MAST4: variants seen among roughly 807,000 people sequenced by gnomAD.
The protein encoded by MAST4 is microtubule associated serine/threonine kinase family member 4.
A neutral mutation model predicts 162.7 loss-of-function variants in MAST4; 89 were observed. The observed-to-expected ratio is 0.55, with a 90% CI of 0.46 to 0.65. The LOEUF (loss-of-function observed/expected upper bound fraction) is 0.65, where lower values mean the gene tolerates loss of function less well. MAST4 is among the 30% of genes least tolerant of loss of function. The pLI is 0.00. For synonymous variants in MAST4, 1,479 were observed against 1,361.1 expected, an observed-to-expected ratio of 1.09 and a Z score of -1.91; for missense variants, 3,153 against 3,374.0, an observed-to-expected ratio of 0.93 and a Z score of 1.62.
In MAST4 at chr5:67,047,244, A is replaced by G. The variant is rs565946818; in HGVS notation, c.675-7160A>G. 4.6e-5 allele frequency among the ~76,000 whole-genome samples: 7 copies of G among 152,306 alleles called. No homozygotes were observed. In the East Asian group the frequency reaches 9.7e-4, roughly 21 times the overall value. ...GTCAGGTTATGTTCAGAACCTTCCA[A>G]CAGCTTCCCTTGTCACTCAGGGACC... On this transcript the variant is annotated intron_variant, in intron 4 of 28. Transcript: ENST00000403625.
Position 67,166,595 on chromosome 5 carries a change from TAGAG to T in MAST4, c.7419_7422del (p.Glu2474ProfsTer41), listed in dbSNP as rs755749069. On this transcript the variant is annotated frameshift_variant, in exon 29 of 29. Coordinates refer to ENST00000403625, the MANE Select transcript of MAST4 (RefSeq NM_001164664.2). LOFTEE classifies it low-confidence loss of function (END_TRUNC). ...GCTTCCCTGAAACCAGGGCCGGAGT[TAGAG>T]AGGCCTCTGCAGCCAGCAGCGACAC... is the stretch of plus-strand genomic sequence containing the variant. 7.5e-6 allele frequency: 12 copies of T among 1,601,970 alleles called. No individual in the cohort carries two copies. Among genetic ancestry groups the T allele is most frequent in the Non-Finnish European group, 9.4e-6 (11 of 1,174,588 alleles).
chr5:67,081,042 A>G (rs1346365899), intron 5 of MAST4, among the ~76,000 whole-genome samples: 1 of 130,620 alleles, frequency 7.7e-6, no homozygotes, highest in East Asian at 2.0e-4. Context: ...AATATAATAT[A>G]TAATTGTATA....
intron 4 of MAST4, chr5:67,005,205 A>C (rs1751862309): frequency 1.5e-6 from 1 of 683,054 alleles, no homozygotes; most frequent in Admixed American, 2.3e-5. Context: ...CACTTTGAAA[A>C]GTTTATGCCC....
chr5:67,076,182 C>T (rs2150697220), intron 5 of MAST4, among the ~76,000 whole-genome samples: 2 of 152,330 alleles, frequency 1.3e-5, no homozygotes, highest in East Asian at 3.9e-4. Flanking sequence ...TCTTCTCTTG[C>T]TTCCTGTGGT....
chr5:66,692,880 C>T (rs1749139926), intron 1 of MAST4, among the ~76,000 whole-genome samples: 1 of 151,978 alleles, frequency 6.6e-6, no homozygotes, highest in Non-Finnish European at 1.5e-5. Flanking sequence ...AGCTGTCAGC[C>T]AGCTAAGAAG....
intron 5 of MAST4, among the ~76,000 whole-genome samples, chr5:67,081,844 A>G (rs1033914531): frequency 2.0e-5 from 3 of 152,208 alleles, no homozygotes; most frequent in Non-Finnish European, 4.4e-5. Flanking sequence ...TAAGATGGCA[A>G]TTTTTCTATT....
At chr5:66,696,971 C>T (rs1210770229) in intron 1 of MAST4, among the ~76,000 whole-genome samples, 1 of 152,126 alleles carries the variant, frequency 6.6e-6, no homozygotes, top group African/African-American at 2.4e-5. Context: ...AAAAAATATT[C>T]TGCGTGATGA....
At chr5:66,725,576 A>G (rs1473474793) in intron 1 of MAST4, among the ~76,000 whole-genome samples, 1 of 152,156 alleles carries the variant, frequency 6.6e-6, no homozygotes, top group African/African-American at 2.4e-5. Context: ...TCCAAGAGAC[A>G]CTTCTCTGAC....
chr5:66,927,004 C>T (rs745539710), intron 4 of MAST4, among the ~76,000 whole-genome samples: 106 of 152,146 alleles, frequency 7.0e-4, no homozygotes, highest in South Asian at 4.2e-4. Flanking sequence ...GGTAGGTATT[C>T]GTTATGTGAT....
Position 67,153,498 on chromosome 5 carries a change from A to G in MAST4, c.3566A>G (p.Lys1189Arg), listed in dbSNP as rs201669513. 120 of 1,603,988 alleles carry G rather than the reference A, an allele frequency of 7.5e-5. No individual in the cohort carries two copies. The highest frequency in any genetic ancestry group is 1.0e-4 in the Non-Finnish European group (118 of 1,175,016). The stretch of plus-strand genomic sequence containing the variant: ...AGTCCGGCATGCCAGGCAGGACTGA[A>G]GGCTGGAGATCTTATCACTCACATC... ...EGSPACQAGL[K>R]AGDLITHING... Residue 1189 changes from lysine to arginine, a missense_variant, in exon 26 of 29, where the codon AAG becomes AGG. By Grantham distance (26) the Lys-to-Arg change is conservative. Transcript: ENST00000403625.
chr5:66,656,307 C>T (rs28441144), intron 1 of MAST4, among the ~76,000 whole-genome samples: 75,765 of 152,126 alleles, frequency 0.5, 19,245 homozygotes, highest in South Asian at 0.66. Flanking sequence ...ACATTATCTT[C>T]CATAAAATTT....
chr5:66,997,093 G>A (rs1400385216), intron 4 of MAST4, among the ~76,000 whole-genome samples: 3 of 151,906 alleles, frequency 2.0e-5, no homozygotes, highest in Non-Finnish European at 4.4e-5. Context: ...ACAAATCTGT[G>A]TGCATACTTG....
At chr5:66,906,473 T>C (rs550336021) in intron 4 of MAST4, among the ~76,000 whole-genome samples, 11 of 152,234 alleles carry the variant, frequency 7.2e-5, no homozygotes, top group Non-Finnish European at 1.5e-4. Context: ...AGTTATCTAC[T>C]GGCATTTGAT....
At chr5:67,009,363 C>T (rs1019964164) in intron 4 of MAST4, among the ~76,000 whole-genome samples, 4 of 152,172 alleles carry the variant, frequency 2.6e-5, no homozygotes, top group African/African-American at 9.7e-5. Flanking sequence ...ACCTTGGCAA[C>T]ACAGAGTTCC....
chr5:66,895,833 A>G (rs1210486169), intron 3 of MAST4, among the ~76,000 whole-genome samples: 1 of 152,068 alleles, frequency 6.6e-6, no homozygotes, highest in Non-Finnish European at 1.5e-5. Flanking sequence ...CTTTTGATAC[A>G]CTTTCTTTCA....
intron 3 of MAST4, among the ~76,000 whole-genome samples, chr5:66,895,956 A>G (rs1010184379): frequency 5.3e-5 from 8 of 152,146 alleles, no homozygotes; most frequent in Non-Finnish European, 1.0e-4. Context: ...ACCTTAATAC[A>G]TTTGTCAAAA....
intron 3 of MAST4, among the ~76,000 whole-genome samples, chr5:66,829,395 G>C (rs968610706): frequency 6.6e-6 from 1 of 152,046 alleles, no homozygotes; most frequent in Non-Finnish European, 1.5e-5. Context: ...ATTTGTTTAT[G>C]TTGAGATGAG....
chr5:67,050,224 T>C (rs1182335363), intron 4 of MAST4, among the ~76,000 whole-genome samples: 2 of 152,202 alleles, frequency 1.3e-5, no homozygotes, highest in African/African-American at 4.8e-5. Flanking sequence ...GAGAAGCTCC[T>C]TGTGAAACTG....
intron 4 of MAST4, among the ~76,000 whole-genome samples, chr5:66,930,474 G>C (rs1336241602): frequency 6.6e-6 from 1 of 152,170 alleles, no homozygotes; most frequent in East Asian, 1.9e-4. Context: ...CTGATCTTTA[G>C]CTTCAGTAAG....
Sources: gnomAD v4.1 joint callset for allele counts (sites outside exome capture counted in the v4.1 genomes callset) on GRCh38, gnomAD v4.1.1 for gene constraint, MANE v1.5 for transcripts, NCBI Gene and HGNC (gene_info 2026-07-23, HGNC 2026-07-21) for gene names.